CARMIL1: variants seen among roughly 807,000 people sequenced by gnomAD.
The protein encoded by CARMIL1 is F-actin-uncapping protein LRRC16A.
In CARMIL1, 90 loss-of-function variants were observed where a neutral mutation model predicts 177.1. That is an observed-to-expected ratio of 0.51 (90% CI 0.43 to 0.61). The LOEUF is 0.61. Ranked by LOEUF, CARMIL1 falls within the 20% of genes least tolerant of loss-of-function variation. The pLI, the probability that CARMIL1 is intolerant of heterozygous loss-of-function variation, is 0.00. For synonymous variants in CARMIL1, 577 were observed against 606.2 expected (o/e 0.95, Z 0.71); for missense variants, 1,380 against 1,667.0 (o/e 0.83, Z 3.00).
In CARMIL1 at chr6:25,619,653, A is replaced by G. The variant is rs1759577282; in HGVS notation, c.*70A>G. 1 of 1,472,038 alleles carries G rather than the reference A, an allele frequency of 6.8e-7. No individual in the cohort carries two copies. Among genetic ancestry groups the G allele is most frequent in the Non-Finnish European group, 9.0e-7 (1 of 1,106,410 alleles). 91.2% of individuals were successfully genotyped at this position (1,472,038 alleles called of 1,614,324 possible). On this transcript the variant is annotated 3_prime_UTR_variant, in exon 37 of 37. Transcript: ENST00000329474. Reference sequence around the variant, plus strand: ...CCATCAGAGAGGAACCAAGGGCAACATCTTTTCTTCCCAGGCGTTCTTCTC... The same window carrying G: ...CCATCAGAGAGGAACCAAGGGCAACGTCTTTTCTTCCCAGGCGTTCTTCTC...
chr6:25,547,953 A>T (rs2151156823), intron 26 of CARMIL1, among the ~76,000 whole-genome samples: 1 of 152,246 alleles, frequency 6.6e-6, no homozygotes, highest in East Asian at 1.9e-4. Context: ...TATTGAGCTG[A>T]GTGTAGAGGA....
chr6:25,415,897 G>C (rs906695534), intron 2 of CARMIL1, among the ~76,000 whole-genome samples: 1 of 151,862 alleles, frequency 6.6e-6, no homozygotes, highest in African/African-American at 2.4e-5. Context: ...GGCAGGGGAG[G>C]AGCGCACCAG....
At chr6:25,305,192 G>A (rs1294204463) in intron 2 of CARMIL1, among the ~76,000 whole-genome samples, 3 of 152,162 alleles carry the variant, frequency 2.0e-5, no homozygotes, top group African/African-American at 7.2e-5. Context: ...TCTAATTTTA[G>A]GAACTTGAGA....
At chr6:25,360,635 G>T (rs1041647595) in intron 2 of CARMIL1, among the ~76,000 whole-genome samples, 3 of 152,194 alleles carry the variant, frequency 2.0e-5, no homozygotes, top group African/African-American at 7.2e-5. Flanking sequence ...GGCAAATGCT[G>T]CTCAAATTAT....
chr6:25,606,329 G>T, intron 35 of CARMIL1, 56 bp downstream of exon 35: 2 of 1,528,478 alleles, frequency 1.3e-6, no homozygotes, highest in Non-Finnish European at 1.8e-6. Context: ...CCCAGAGCCA[G>T]CTGGATCAGA....
chr6:25,504,973 A>G (rs1804770005), intron 17 of CARMIL1, among the ~76,000 whole-genome samples: 1 of 152,230 alleles, frequency 6.6e-6, no homozygotes. Flanking sequence ...TATGTGAGCC[A>G]TCATCTGGGG....
chr6:25,422,309 A>G (rs1795928349), intron 3 of CARMIL1, among the ~76,000 whole-genome samples: 2 of 152,184 alleles, frequency 1.3e-5, no homozygotes, highest in Admixed American at 6.5e-5. Context: ...ACTGTTTTGT[A>G]AATTCTGACT....
At chr6:25,444,886 C>A (rs1020091599) in intron 5 of CARMIL1, among the ~76,000 whole-genome samples, 7 of 152,118 alleles carry the variant, frequency 4.6e-5, no homozygotes, top group Non-Finnish European at 1.0e-4. Flanking sequence ...TGGGTATATA[C>A]CCAGTAATGG....
chr6:25,570,684 G>A (rs572367697), intron 29 of CARMIL1, among the ~76,000 whole-genome samples: 105 of 152,306 alleles, frequency 6.9e-4, no homozygotes, highest in African/African-American at 2.5e-3. Context: ...CGTTCCCTAA[G>A]TGTTTTTGTT....
At chr6:25,608,095 A>T (rs1454304106) in intron 35 of CARMIL1, among the ~76,000 whole-genome samples, 1 of 152,214 alleles carries the variant, frequency 6.6e-6, no homozygotes, top group Non-Finnish European at 1.5e-5. Context: ...TAACATTGTC[A>T]TCAGCTGGGT....
At chr6:25,602,191 T>TAA (rs1815478247) in intron 33 of CARMIL1, among the ~76,000 whole-genome samples, 1 of 152,194 alleles carries the variant, frequency 6.6e-6, no homozygotes, top group Non-Finnish European at 1.5e-5. Context: ...AGAACCCTCC[T>TAA]AATTCACTGA....
intron 32 of CARMIL1, among the ~76,000 whole-genome samples, chr6:25,599,431 G>T (rs925611941): frequency 1.2e-4 from 18 of 152,048 alleles, no homozygotes; most frequent in African/African-American, 4.3e-4. Flanking sequence ...TTTTAATGGC[G>T]ATTCAGGGGA....
intron 2 of CARMIL1, among the ~76,000 whole-genome samples, chr6:25,412,959 G>A (rs1581853880): frequency 6.6e-6 from 1 of 152,154 alleles, no homozygotes; most frequent in East Asian, 1.9e-4. Context: ...TTCCTTTTGG[G>A]TGAAGTGTCC....
rs1810817841 is a variant in CARMIL1 at position 25,558,393 on chromosome 6, G to A, written c.2742+1543G>A. ...GAAAGACTGGCTCACCTACTGTAAC[G>A]TTGGTTTTAAACTGTGTAAACTTTG... On this transcript the variant is annotated intron_variant, in intron 29 of 36. Transcript: ENST00000329474. This position sits in a 1 kb window ranked among gnomAD's most constrained non-coding sequence, Gnocchi z 4.1. Among the ~76,000 whole-genome samples the A allele has an allele frequency of 1.3e-5, 2 of 152,252 alleles. No homozygotes were observed. Among genetic ancestry groups the A allele is most frequent in the Admixed American group, 6.5e-5 (1 of 15,296 alleles).
chr6:25,472,383 T>G (rs1376167105), intron 10 of CARMIL1, 44 bp from the exon 11 acceptor site: 1 of 1,318,008 alleles, frequency 7.6e-7, no homozygotes, highest in East Asian at 2.5e-5. Context: ...GTTCGAATGG[T>G]TTTACATTTT....
At chr6:25,459,268 T>TTCTTTCTTTTCTTTCTTTCTTTCTTTC (rs760311925) in intron 8 of CARMIL1, among the ~76,000 whole-genome samples, 1 of 121,194 alleles carries the variant, frequency 8.3e-6, no homozygotes, top group Admixed American at 9.2e-5. Flanking sequence ...CTTTCTTTCT[T>TTCTTTCTTTTCTTTCTTTCTTTCTTTC]TTTTTTTTTT....
intron 2 of CARMIL1, among the ~76,000 whole-genome samples, chr6:25,391,077 A>G (rs1792772189): frequency 6.6e-6 from 1 of 152,240 alleles, no homozygotes; most frequent in African/African-American, 2.4e-5. Flanking sequence ...ATTTGATTTG[A>G]AAGCTAAAAT....
chr6:25,390,976 A>G (rs541937244), intron 2 of CARMIL1, among the ~76,000 whole-genome samples: 69 of 152,380 alleles, frequency 4.5e-4, no homozygotes, highest in Middle Eastern at 3.4e-3. Context: ...TGCTGGAATT[A>G]CAGGTGTGAG....
Position 25,510,753 on chromosome 6 carries a change from T to G in CARMIL1, c.1623T>G (p.Asp541Glu), listed in dbSNP as rs775799574. The stretch of plus-strand genomic sequence containing the variant: ...ACAACTTAGTACAGATGATTCAAGA[T>G]GAAGAATCAGTGAGTATTATGTTAA... ...VLDNLVQMIQ[D>E]EESPLQSLSL... Residue 541 changes from aspartate (D) to glutamate (E), a missense_variant, in exon 20 of 37, where the codon GAT (aspartate) becomes GAG (glutamate). Physicochemically the swap from Asp to Glu is conservative, Grantham distance 45. Coordinates refer to ENST00000329474, the MANE Select transcript of CARMIL1 (RefSeq NM_017640.6). 1.3e-6 allele frequency: 2 copies of G among 1,535,880 alleles called. No homozygotes were observed. The highest frequency in any genetic ancestry group is 2.4e-5 in the South Asian group (2 of 83,088).
Sources: gnomAD v4.1 joint callset for allele counts (sites outside exome capture counted in the v4.1 genomes callset) on GRCh38, gnomAD v4.1.1 for gene constraint, Gnocchi (gnomAD v3.1) non-coding constraint, MANE v1.5 for transcripts, NCBI Gene and HGNC (gene_info 2026-07-23, HGNC 2026-07-21) for gene names.